Variants in ARMC9 observed in about 807,000 individuals in gnomAD.
ARMC9 encodes the protein armadillo repeat containing 9.
ARMC9 carries 94 observed loss-of-function variants against 107.0 expected under a neutral mutation model. The ratio of observed to expected loss-of-function variants is 0.88; its 90% confidence interval spans 0.74 to 1.04. The LOEUF (loss-of-function observed/expected upper bound fraction) is 1.04, where lower values mean the gene tolerates loss of function less well. ARMC9 is among the 50% of genes least tolerant of loss of function. The probability of loss-of-function intolerance (pLI) is 0.00; values close to 1 mark genes in which losing one functional copy is unlikely to be tolerated. For synonymous variants in ARMC9, 380 were observed against 396.9 expected (o/e 0.96, Z 0.51); for missense variants, 942 against 1,030.1 (o/e 0.91, Z 1.17).
rs533333771 is a variant in ARMC9, at chr2:231,374,721, C to T, written c.*3186C>T. ...CCCACCTGGCTTGTCTAACCCTAAT[C>T]CCAGCCCCAGTTTTAATAAAACTGT... On this transcript the variant is annotated 3_prime_UTR_variant, in exon 25 of 25. Transcript: ENST00000611582. 3.8e-4 allele frequency: 58 copies of T among 152,308 alleles called. No homozygotes were observed. The highest frequency in any genetic ancestry group is 6.8e-4 in the Non-Finnish European group (46 of 68,034). The allele number at this position is 152,308 out of a possible 1,614,324, so 9.4% of individuals were successfully genotyped here. A position where few individuals can be genotyped will look rare whatever the true frequency, so the allele number is the denominator to read the frequency against.
chr2:231,375,302 C>T lies in ARMC9; in HGVS notation c.*3767C>T, dbSNP rs796785760. ...CATGGTGGCCTCGGGGCTCCCATGG[C>T]AGTTAGAGAAATCAAGCCCAAGTCT... On this transcript the variant is annotated 3_prime_UTR_variant, in exon 25 of 25. Coordinates refer to ENST00000611582, the MANE Select transcript of ARMC9 (RefSeq NM_001352754.2). The surrounding 1 kb of genome is among the most constrained non-coding windows in gnomAD (Gnocchi z 4.3). 2.6e-4 allele frequency among the ~76,000 whole-genome samples: 39 copies of T among 152,272 alleles called. No homozygotes were observed. The highest frequency in any genetic ancestry group is 8.4e-4 in the African/African-American group (35 of 41,548).
intron 19 of ARMC9, among the ~76,000 whole-genome samples, chr2:231,327,572 T>A (rs1039910086): frequency 6.6e-6 from 1 of 152,192 alleles, no homozygotes; most frequent in Non-Finnish European, 1.5e-5. Flanking sequence ...GTTTACCTGT[T>A]CTCTTGTTGA....
intron 10 of ARMC9, 148 bp downstream of exon 10, chr2:231,256,768 G>C: frequency 3.8e-6 from 3 of 791,240 alleles, no homozygotes; most frequent in Admixed American, 2.4e-5. Context: ...GGAAATACGA[G>C]TACTTATAAG....
rs559706688 is a variant in ARMC9, at chr2:231,296,788, C to G, written c.1773+535C>G. ...ATGAAGGTTTAGAAGTTAATGTATGCGAGTCTCTGAAATGATGTAAAGAAT... is the reference window on the plus strand; with the variant it reads ...ATGAAGGTTTAGAAGTTAATGTATGGGAGTCTCTGAAATGATGTAAAGAAT... On this transcript the variant is annotated intron_variant, in intron 19 of 24. Coordinates refer to ENST00000611582, the MANE Select transcript of ARMC9 (RefSeq NM_001352754.2). 6.2e-4 allele frequency among the ~76,000 whole-genome samples: 95 copies of G among 152,246 alleles called. 1 individual carries two copies. The highest frequency in any genetic ancestry group is 2.1e-3 in the African/African-American group (89 of 41,532).
intron 10 of ARMC9, 86 bp downstream of exon 10, chr2:231,256,706 C>T: frequency 7.0e-7 from 1 of 1,422,326 alleles, no homozygotes; most frequent in Non-Finnish European, 9.9e-7. Context: ...AAACACTTAG[C>T]AGCCTAGGTT....
At chr2:231,288,328 A>G (rs922421217) in intron 17 of ARMC9, among the ~76,000 whole-genome samples, 6 of 152,152 alleles carry the variant, frequency 3.9e-5, no homozygotes, top group African/African-American at 9.7e-5. Context: ...AATGTTCCCA[A>G]TTATCTCTGG....
Position 231,201,360 on chromosome 2 carries a change from T to C in ARMC9, c.-42+2662T>C, listed in dbSNP as rs550298025. Reference sequence around the variant, plus strand: ...CCCAGGGCAAGTCTCTCCAGTTCCCTTGGAGCCTCCAGCACCCGGCTGGCT... The same window carrying C: ...CCCAGGGCAAGTCTCTCCAGTTCCCCTGGAGCCTCCAGCACCCGGCTGGCT... On this transcript the variant is annotated intron_variant, in intron 1 of 24. Coordinates refer to ENST00000611582, the MANE Select transcript of ARMC9 (RefSeq NM_001352754.2). Among the ~76,000 whole-genome samples the C allele has an allele frequency of 4.6e-4, 70 of 152,362 alleles. 1 individual carries two copies. The South Asian group carries it at 0.013, about 28-fold the overall frequency.
chr2:231,288,578 C>T (rs751137578), intron 17 of ARMC9: 27 of 468,972 alleles, frequency 5.8e-5, no homozygotes, highest in Non-Finnish European at 1.0e-4. Flanking sequence ...GAAGTGAGTT[C>T]GAAGTTAGTT....
At chr2:231,337,470 T>TG (rs2044200754) in intron 20 of ARMC9, among the ~76,000 whole-genome samples, 1 of 106,292 alleles carries the variant, frequency 9.4e-6, no homozygotes, top group African/African-American at 5.7e-5. Flanking sequence ...CTAATTTTTG[T>TG]TTTTTTTTTT....
At chr2:231,365,260 G>A (rs1439793103) in intron 23 of ARMC9, among the ~76,000 whole-genome samples, 1 of 152,218 alleles carries the variant, frequency 6.6e-6, no homozygotes, top group Non-Finnish European at 1.5e-5. Flanking sequence ...TGTAAAGGGT[G>A]ATATACGGGA....
At chr2:231,199,212 TTCAA>T (rs1276935696) in intron 1 of ARMC9, among the ~76,000 whole-genome samples, 3 of 152,214 alleles carry the variant, frequency 2.0e-5, no homozygotes, top group Non-Finnish European at 4.4e-5. Context: ...TATATAGGAA[TTCAA>T]AAGCTGCCGC....
At chr2:231,264,003 A>T (rs1246429467) in intron 12 of ARMC9, among the ~76,000 whole-genome samples, 1 of 152,184 alleles carries the variant, frequency 6.6e-6, no homozygotes, top group Non-Finnish European at 1.5e-5. Flanking sequence ...GGCATTTTAC[A>T]GTTTAATTGG....
chr2:231,356,911 T>C (rs1176840134), intron 22 of ARMC9, among the ~76,000 whole-genome samples: 1 of 152,164 alleles, frequency 6.6e-6, no homozygotes, highest in African/African-American at 2.4e-5. Flanking sequence ...ACATTTCAAG[T>C]TCTTAGGCCT....
intron 19 of ARMC9, among the ~76,000 whole-genome samples, chr2:231,317,934 T>C (rs1471120825): frequency 1.3e-5 from 2 of 152,126 alleles, no homozygotes; most frequent in African/African-American, 4.8e-5. Context: ...CCTTTAATTC[T>C]TTGAGCATAT....
At chr2:231,254,226 G>C (rs2037552676) in intron 9 of ARMC9, among the ~76,000 whole-genome samples, 1 of 152,206 alleles carries the variant, frequency 6.6e-6, no homozygotes, top group South Asian at 2.1e-4. Context: ...AGGTAGGGTA[G>C]ACCTTCTTAA....
chr2:231,294,326 GAGGGGAACCAGCACCAGAGAGACAAC>G (rs1440110937), intron 18 of ARMC9: 1 of 152,382 alleles, frequency 6.6e-6, no homozygotes, highest in Non-Finnish European at 1.5e-5. Flanking sequence ...AGCCCTCAGG[GAGGGGAACCAGCACCAGAGAGACAAC>G]AGGGGCACCA....
chr2:231,288,682 G>A (rs1345815478), intron 17 of ARMC9: 1 of 471,190 alleles, frequency 2.1e-6, no homozygotes, highest in Non-Finnish European at 4.4e-6. Flanking sequence ...AGTGACTGCG[G>A]TTGTGCCCAT....
intron 21 of ARMC9, among the ~76,000 whole-genome samples, chr2:231,348,907 G>T (rs1032413955): frequency 1.3e-5 from 2 of 152,190 alleles, no homozygotes; most frequent in African/African-American, 4.8e-5. Context: ...CGTTAAAACG[G>T]CTTATCTCCA....
At chr2:231,273,878 C>T (rs145574078) in intron 14 of ARMC9, among the ~76,000 whole-genome samples, 5 of 152,274 alleles carry the variant, frequency 3.3e-5, no homozygotes, top group African/African-American at 1.2e-4. Context: ...CAAAAAGAAA[C>T]CTCATACCCA....
Sources: gnomAD v4.1 joint callset for allele counts (sites outside exome capture counted in the v4.1 genomes callset) on GRCh38, gnomAD v4.1.1 for gene constraint, Gnocchi (gnomAD v3.1) non-coding constraint, MANE v1.5 for transcripts, NCBI Gene and HGNC (gene_info 2026-07-23, HGNC 2026-07-21) for gene names.